The following SCEL variants were observed in gnomAD, a reference collection of about 807,000 sequenced individuals.
SCEL encodes the protein sciellin.
Under a neutral mutation model 117.6 loss-of-function variants are expected in SCEL, and 113 were observed. That is an observed-to-expected ratio of 0.96 (90% CI 0.83 to 1.12). The LOEUF (loss-of-function observed/expected upper bound fraction) is 1.12, where lower values mean the gene tolerates loss of function less well. SCEL is among the 50% of genes most tolerant of loss of function. SCEL has a pLI of 0.00. For synonymous variants in SCEL, 270 were observed against 256.2 expected (o/e 1.05, Z -0.51); for missense variants, 785 against 810.8 (o/e 0.97, Z 0.39).
At chr13:77,593,749 G>A (rs2087056015) in intron 12 of SCEL, among the ~76,000 whole-genome samples, 176 bp downstream of exon 12, 1 of 152,124 alleles carries the variant, frequency 6.6e-6, no homozygotes, top group Non-Finnish European at 1.5e-5. Flanking sequence ...AGTGGATGGT[G>A]CCAACATTTA....
chr13:77,631,567 G>T (rs937920557), intron 28 of SCEL, among the ~76,000 whole-genome samples: 1 of 152,038 alleles, frequency 6.6e-6, no homozygotes, highest in Non-Finnish European at 1.5e-5. Flanking sequence ...AGGGAATCTG[G>T]GTGAAGGTGT....
chr13:77,551,241 T>A (rs9544536), intron 1 of SCEL, among the ~76,000 whole-genome samples: 15,684 of 152,158 alleles, frequency 0.1, 1,354 homozygotes, highest in East Asian at 0.44. Context: ...TGAGAGACAA[T>A]GCCTGAGAGG....
At chr13:77,585,668 A>G (rs928912080) in intron 9 of SCEL, among the ~76,000 whole-genome samples, 6 of 151,648 alleles carry the variant, frequency 4.0e-5, no homozygotes, top group Non-Finnish European at 8.8e-5. Context: ...CTTTCCATAG[A>G]CCCTCATTGA....
At chr13:77,597,138 A>AGC (rs1567397116) in intron 12 of SCEL, 87 of 196,824 alleles carry the variant, frequency 4.4e-4, no homozygotes, top group African/African-American at 1.9e-3. Context: ...TATCTACTGT[A>AGC]TGAACACTGT....
At chr13:77,546,861 C>T (rs2084017026) in intron 1 of SCEL, among the ~76,000 whole-genome samples, 1 of 152,142 alleles carries the variant, frequency 6.6e-6, no homozygotes, top group Non-Finnish European at 1.5e-5. Flanking sequence ...AATTTAGTCC[C>T]TATGATTGCC....
At chr13:77,642,831 T>G in intron 32 of SCEL, 23 bp downstream of exon 32, 1 of 1,344,474 alleles carries the variant, frequency 7.4e-7, no homozygotes, top group Non-Finnish European at 1.0e-6. Flanking sequence ...CTCTAAGCAT[T>G]TAACACTTTG....
chr13:77,536,577 C>T (rs2083431841), intron 1 of SCEL, among the ~76,000 whole-genome samples: 1 of 152,182 alleles, frequency 6.6e-6, no homozygotes, highest in Admixed American at 6.5e-5. Flanking sequence ...CCTGAAAAAC[C>T]AGTTTTGGGA....
chr13:77,632,338 T>A (rs914279899), intron 28 of SCEL, among the ~76,000 whole-genome samples: 1 of 152,258 alleles, frequency 6.6e-6, no homozygotes, highest in African/African-American at 2.4e-5. Flanking sequence ...TTTGACGCTG[T>A]CTACTTCTTA....
intron 1 of SCEL, among the ~76,000 whole-genome samples, chr13:77,540,867 G>T (rs1228103578): frequency 1.3e-5 from 2 of 152,224 alleles, no homozygotes; most frequent in African/African-American, 4.8e-5. Context: ...TGGATTAAGT[G>T]AGGAAGTCTG....
chr13:77,611,997 C>T (rs1237411914), intron 22 of SCEL, among the ~76,000 whole-genome samples: 2 of 152,024 alleles, frequency 1.3e-5, no homozygotes, highest in African/African-American at 4.8e-5. Flanking sequence ...TACTGACATT[C>T]AATTATTTTT....
At chr13:77,588,380 G>T (rs1204814884) in intron 9 of SCEL, among the ~76,000 whole-genome samples, 1 of 152,160 alleles carries the variant, frequency 6.6e-6, no homozygotes, top group African/African-American at 2.4e-5. Flanking sequence ...AGCCAGAAGG[G>T]TACACAGGAT....
At chr13:77,594,546 A>G (rs973749532) in intron 12 of SCEL, among the ~76,000 whole-genome samples, 5 of 152,118 alleles carry the variant, frequency 3.3e-5, no homozygotes, top group African/African-American at 1.2e-4. Flanking sequence ...TTCTGCCTCT[A>G]TTAGCACTTA....
At position 77,591,290 on chromosome 13, in the gene SCEL, A is replaced by C. The variant is rs576614544; in HGVS notation, c.627-105A>C. The C allele has an allele frequency of 5.2e-6, 4 of 763,500 alleles. No homozygotes were observed. In the East Asian group the frequency reaches 1.1e-4, roughly 21 times the overall value. 47.3% of individuals were successfully genotyped at this position (763,500 alleles called of 1,614,324 possible). On this transcript the variant is annotated intron_variant, in intron 10 of 32. Coordinates refer to ENST00000349847, the MANE Select transcript of SCEL (RefSeq NM_144777.3). ...TATCTCAGGTAGTGTTATGGTTCCA[A>C]CAAACACTGATCTTTTTGTACATAA...
rs1399997372 is a variant in SCEL at position 77,597,847 on chromosome 13, TTTCTC to T, written c.797+262_797+266del. On this transcript the variant is annotated intron_variant, in intron 13 of 32. Transcript: ENST00000349847. ...TAAGGCAGTTATATAAATAACCACT[TTTCTC>T]TTCCTGAAATATTAATTAACTAAAA... 4.8e-4 allele frequency among the ~76,000 whole-genome samples: 73 copies of T among 152,152 alleles called. 2 individuals carry two copies. The highest frequency in any genetic ancestry group is 1.4e-3 in the African/African-American group (60 of 41,380).
intron 27 of SCEL, among the ~76,000 whole-genome samples, chr13:77,622,477 A>G (rs535763644): frequency 6.6e-6 from 1 of 152,334 alleles, no homozygotes; most frequent in Admixed American, 6.5e-5. Context: ...AATAAATGAC[A>G]TTATTATAAC....
intron 15 of SCEL, among the ~76,000 whole-genome samples, chr13:77,601,235 G>A (rs557524021): frequency 2.0e-5 from 3 of 151,940 alleles, no homozygotes; most frequent in African/African-American, 7.2e-5. Flanking sequence ...CAAGTAGGAT[G>A]TGCATCTTAA....
intron 11 of SCEL, among the ~76,000 whole-genome samples, chr13:77,593,056 G>A (rs147773844): frequency 2.0e-5 from 3 of 152,084 alleles, no homozygotes; most frequent in Admixed American, 6.6e-5. Context: ...AATTGTATCT[G>A]TTGCTTAATG....
intron 1 of SCEL, among the ~76,000 whole-genome samples, chr13:77,547,090 G>A (rs2084032870): frequency 6.6e-6 from 1 of 152,154 alleles, no homozygotes; most frequent in Admixed American, 6.5e-5. Flanking sequence ...TATCAGATAT[G>A]CAATCATTGT....
chr13:77,594,496 T>C (rs2087107774), intron 12 of SCEL, among the ~76,000 whole-genome samples: 1 of 152,228 alleles, frequency 6.6e-6, no homozygotes, highest in Admixed American at 6.5e-5. Context: ...AAGTGGCACC[T>C]TCTCTGTTGT....
Sources: allele counts gnomAD v4.1 joint callset (sites outside exome capture counted in the v4.1 genomes callset), GRCh38; gene constraint gnomAD v4.1.1; transcripts MANE v1.5; gene names NCBI Gene and HGNC (gene_info 2026-07-23, HGNC 2026-07-21).